Variants in ARSF observed in about 807,000 individuals in gnomAD.
The protein encoded by ARSF is arylsulfatase F.
Under a neutral mutation model 35.4 loss-of-function variants are expected in ARSF, and 33 were observed. That is an observed-to-expected ratio of 0.93 (90% confidence interval 0.71 to 1.25). The LOEUF (loss-of-function observed/expected upper bound fraction) is 1.25, where lower values mean the gene tolerates loss of function less well. ARSF is among the 50% of genes most tolerant of loss of function. The pLI, the probability that ARSF is intolerant of heterozygous loss-of-function variation, is 0.00. For missense variants in ARSF, 501 were observed against 480.2 expected (o/e 1.04, Z -0.40); for synonymous variants, 222 against 193.1 (o/e 1.15, Z -1.24).
At chrX:3,097,198 A>G (rs1315476818) in intron 7 of ARSF, among the ~76,000 whole-genome samples, 3 of 112,127 alleles carry the variant, frequency 2.7e-5, no homozygotes, top group Non-Finnish European at 3.8e-5. Context: ...TTTAGGAAAA[A>G]CCATTACCAA....
chrX:3,103,072 C>A (rs974934732), intron 8 of ARSF, among the ~76,000 whole-genome samples: 22 of 111,244 alleles, frequency 2.0e-4, no homozygotes, highest in African/African-American at 6.2e-4. Flanking sequence ...ATAATTAAGA[C>A]AACTTTCTGC....
intron 5 of ARSF, among the ~76,000 whole-genome samples, chrX:3,081,826 A>C (rs2090204056): frequency 9.0e-6 from 1 of 111,714 alleles, no homozygotes; most frequent in African/African-American, 3.3e-5. Flanking sequence ...GTCCTCAGCC[A>C]CCCAGTAGTT....
chrX:3,112,099 A>C (rs1401019887), intron 10 of ARSF, 75 bp from the exon 11 acceptor site: 1 of 950,597 alleles, frequency 1.1e-6, no homozygotes, highest in Non-Finnish European at 1.5e-6. Flanking sequence ...GACCCCTGCT[A>C]TAGAACACTA....
intron 8 of ARSF, among the ~76,000 whole-genome samples, chrX:3,102,263 AT>A (rs1195069124): frequency 9.0e-6 from 1 of 111,189 alleles, no homozygotes; most frequent in Non-Finnish European, 1.9e-5. Context: ...AATATGTAGT[AT>A]TTTTTTCCTC....
intron 1 of ARSF, among the ~76,000 whole-genome samples, chrX:3,044,541 G>A (rs747952855): frequency 9.0e-6 from 1 of 110,952 alleles, no homozygotes; most frequent in East Asian, 2.9e-4. Flanking sequence ...ATTGAGCAGT[G>A]GAAGTGGCTC....
At chrX:3,100,731 G>A in intron 7 of ARSF, among the ~76,000 whole-genome samples, 2 of 110,900 alleles carry the variant, frequency 1.8e-5, no homozygotes, top group East Asian at 2.8e-4. Flanking sequence ...TGAGTAGCTG[G>A]GATTACAGGC....
chrX:3,058,929 T>C lies in ARSF; in HGVS notation c.-28-9144T>C, dbSNP rs149871079. Among the ~76,000 whole-genome samples, 1,044 of 111,938 alleles carry C rather than the reference T, an allele frequency of 9.3e-3. 16 individuals are homozygous for C. Among genetic ancestry groups the C allele is most frequent in the African/African-American group, 0.032 (990 of 30,884 alleles). On this transcript the variant is annotated intron_variant, in intron 1 of 10. Coordinates refer to ENST00000381127, the MANE Select transcript of ARSF (RefSeq NM_001201539.2). The stretch of plus-strand genomic sequence containing the variant: ...CAAGATTTTACCATGAGCAGTTGCA[T>C]GAAGGTGGAAAACCTTTCTGTGATT...
intron 1 of ARSF, among the ~76,000 whole-genome samples, chrX:3,052,447 T>G (rs1236296073): frequency 8.9e-6 from 1 of 112,015 alleles, no homozygotes; most frequent in Non-Finnish European, 1.9e-5. Context: ...ATGGGTGTAA[T>G]TTTCTTCTAT....
At chrX:3,103,945 A>C in intron 9 of ARSF, 21 bp downstream of exon 9, 1 of 1,198,228 alleles carries the variant, frequency 8.3e-7, no homozygotes, top group Non-Finnish European at 1.1e-6. Flanking sequence ...ATAAACTGTT[A>C]ACAAGAGCTT....
chrX:3,072,532 A>T (rs2090112955), intron 3 of ARSF, among the ~76,000 whole-genome samples: 1 of 110,988 alleles, frequency 9.0e-6, no homozygotes, highest in African/African-American at 3.3e-5. Flanking sequence ...AAGCATGGCT[A>T]TCTGGACCCG....
chrX:3,079,406 C>A (rs1363730287), intron 4 of ARSF, among the ~76,000 whole-genome samples: 1 of 101,770 alleles, frequency 9.8e-6, no homozygotes, highest in Admixed American at 1.1e-4. Flanking sequence ...AGTGCAATGG[C>A]GCAATCTCGG....
In ARSF at chrX:3,089,504, A is replaced by C; in HGVS notation, c.839A>C (p.Lys280Thr). The C allele has an allele frequency of 1.2e-5, 14 of 1,211,438 alleles. No individual in the cohort carries two copies. Among genetic ancestry groups the C allele is most frequent in the African/African-American group, 1.7e-5 (1 of 57,896 alleles). Reference sequence around the variant, plus strand: ...CATTGATGTCTTCTCAGGCACAGTAAGGAAACTTTCCTTCTCTTTTTCTCC... The same window carrying C: ...CATTGATGTCTTCTCAGGCACAGTACGGAAACTTTCCTTCTCTTTTTCTCC... ...EAISFLERHS[K>T]ETFLLFFSFL... Residue 280 changes from lysine (K) to threonine (T), a missense_variant, in exon 7 of 11, where the codon AAG becomes ACG. Transcript: ENST00000381127.
At chrX:3,067,945 G>A (rs763995612) in intron 1 of ARSF, 128 bp from the exon 2 acceptor site, 15 of 434,899 alleles carry the variant, frequency 3.4e-5, no homozygotes, top group African/African-American at 3.1e-4. Context: ...TAAAAATGTC[G>A]GAATTAGGGA....
chrX:3,054,672 A>G (rs1353212654), intron 1 of ARSF, among the ~76,000 whole-genome samples: 4 of 109,832 alleles, frequency 3.6e-5, no homozygotes, highest in Non-Finnish European at 7.6e-5. Context: ...ATCGCTAAGC[A>G]TTCATGAAAG....
At position 3,078,099 on chromosome X, in the gene ARSF, C is replaced by T. The variant is rs145338568; in HGVS notation, c.283+1430C>T. Among the ~76,000 whole-genome samples, 360 of 109,493 alleles carry T rather than the reference C, an allele frequency of 3.3e-3. 1 individual carries two copies. The highest frequency in any genetic ancestry group is 0.011 in the African/African-American group (339 of 30,087). The stretch of plus-strand genomic sequence containing the variant: ...GATTATAGGTGTGAGCCACCGCACC[C>T]GGCCATATATCAATTTTAGATAAAA... On this transcript the variant is annotated intron_variant, in intron 4 of 10. Transcript: ENST00000381127.
intron 4 of ARSF, among the ~76,000 whole-genome samples, chrX:3,079,836 G>C (rs1226074640): frequency 9.4e-6 from 1 of 106,496 alleles, no homozygotes; most frequent in African/African-American, 3.4e-5. Flanking sequence ...GTACATACCT[G>C]TAATCCCAGC....
chrX:3,052,372 G>A (rs763001585), intron 1 of ARSF, among the ~76,000 whole-genome samples: 22 of 111,977 alleles, frequency 2.0e-4, no homozygotes, highest in South Asian at 1.1e-3. Flanking sequence ...TTTTGGCTTT[G>A]CTAGTCCACT....
intron 1 of ARSF, chrX:3,058,486 C>T (rs982051108): frequency 7.1e-5 from 19 of 266,802 alleles, no homozygotes; most frequent in South Asian, 5.7e-4. Flanking sequence ...CCTGAGTAGC[C>T]GGGACCACAG....
At chrX:3,066,776 C>T (rs1569134492) in intron 1 of ARSF, 1 of 110,621 alleles carries the variant, frequency 9.0e-6, no homozygotes, top group Admixed American at 9.7e-5. Flanking sequence ...CTGATGCTTT[C>T]GTAATGATTC....
Sources: allele counts gnomAD v4.1 joint callset (sites outside exome capture counted in the v4.1 genomes callset), GRCh38; gene constraint gnomAD v4.1.1; transcripts MANE v1.5; gene names NCBI Gene and HGNC (gene_info 2026-07-23, HGNC 2026-07-21).